BANF2: variants seen among roughly 807,000 people sequenced by gnomAD.
BANF2 encodes barrier-to-autointegration factor-like protein.
BANF2 carries 4 observed loss-of-function variants against 8.0 expected under a neutral mutation model. The observed-to-expected ratio is 0.50, with a 90% CI of 0.25 to 1.14. BANF2 has a LOEUF of 1.14. BANF2 is among the 50% of genes most tolerant of loss of function. BANF2 has a pLI of 0.16. For synonymous variants in BANF2, 50 were observed against 40.6 expected (o/e 1.23, Z -0.88); for missense variants, 96 against 107.5 (o/e 0.89, Z 0.47).
At chr20:17,716,478 T>C (rs961597189) in intron 1 of BANF2, among the ~76,000 whole-genome samples, 1 of 151,760 alleles carries the variant, frequency 6.6e-6, no homozygotes, top group Non-Finnish European at 1.5e-5. Flanking sequence ...GGACCACAGG[T>C]GTGTGCCACC....
chr20:17,694,601 C>CTCTCTTT (rs2037328802), intron 1 of BANF2, among the ~76,000 whole-genome samples: 1 of 26,738 alleles, frequency 3.7e-5, no homozygotes, highest in African/African-American at 1.2e-4. Flanking sequence ...TTTTCTCTCT[C>CTCTCTTT]TTTTTTTTTT....
intron 1 of BANF2, among the ~76,000 whole-genome samples, chr20:17,721,369 T>A (rs1261798328): frequency 2.3e-5 from 3 of 129,464 alleles, no homozygotes; most frequent in Non-Finnish European, 4.8e-5. Context: ...ATTTGGAAAT[T>A]TTTTTTCTTT....
intron 1 of BANF2, among the ~76,000 whole-genome samples, chr20:17,713,790 A>C (rs182263109): frequency 7.2e-4 from 110 of 152,244 alleles, no homozygotes; most frequent in African/African-American, 2.4e-3. Context: ...AGCTATAATC[A>C]GGCCACTGCA....
intron 1 of BANF2, among the ~76,000 whole-genome samples, chr20:17,717,974 C>T (rs1039877857): frequency 6.6e-6 from 1 of 152,052 alleles, no homozygotes; most frequent in African/African-American, 2.4e-5. Flanking sequence ...AATATATAAA[C>T]TTTTAGGGAT....
At chr20:17,724,125 A>T (rs1169019050) in intron 2 of BANF2, among the ~76,000 whole-genome samples, 1 of 152,224 alleles carries the variant, frequency 6.6e-6, no homozygotes, top group East Asian at 1.9e-4. Flanking sequence ...AATATTCAGG[A>T]TGTTAGCTAC....
rs1266866018 is a variant in BANF2, at chr20:17,716,653, C to G, written c.-166-6063C>G. 2.6e-5 allele frequency among the ~76,000 whole-genome samples: 4 copies of G among 151,288 alleles called. No homozygotes were observed. In the South Asian group the frequency reaches 6.3e-4, roughly 24 times the overall value. On this transcript the variant is annotated intron_variant, in intron 1 of 3. Coordinates refer to ENST00000246090, the MANE Select transcript of BANF2 (RefSeq NM_178477.5). ...CCGAGGAGGGTGGATCACTTGACCT[C>G]AGGAGGTCAAGGCCAGCCTGGGCAA...
intron 1 of BANF2, among the ~76,000 whole-genome samples, chr20:17,707,382 C>CAAAGAAAAAAAA (rs2037498113): frequency 7.0e-6 from 1 of 142,352 alleles, no homozygotes. Context: ...GACTCTGTGT[C>CAAAGAAAAAAAA]AAAAAAAAGA....
chr20:17,720,515 AT>A (rs1391904019), intron 1 of BANF2, among the ~76,000 whole-genome samples: 1 of 152,122 alleles, frequency 6.6e-6, no homozygotes, highest in African/African-American at 2.4e-5. Flanking sequence ...TCCACTTAAA[AT>A]TTTTTTCTTT....
chr20:17,732,018 A>T (rs1452220694), intron 3 of BANF2, among the ~76,000 whole-genome samples: 1 of 151,954 alleles, frequency 6.6e-6, no homozygotes, highest in Admixed American at 6.5e-5. Context: ...GTGAGCCAAG[A>T]CCGTGCCACT....
intron 1 of BANF2, among the ~76,000 whole-genome samples, chr20:17,710,609 C>G (rs1282262185): frequency 6.6e-6 from 1 of 152,158 alleles, no homozygotes; most frequent in African/African-American, 2.4e-5. Context: ...AGGCTGGCAC[C>G]AGACCTTCTT....
intron 1 of BANF2, among the ~76,000 whole-genome samples, chr20:17,700,990 G>C (rs890567339): frequency 1.3e-5 from 2 of 152,176 alleles, no homozygotes; most frequent in African/African-American, 4.8e-5. Flanking sequence ...TTTTAAGAAG[G>C]CTCCTGGCTC....
intron 1 of BANF2, among the ~76,000 whole-genome samples, chr20:17,714,622 T>C (rs2037625242): frequency 6.6e-6 from 1 of 152,192 alleles, no homozygotes. Flanking sequence ...TTAGCACACA[T>C]CCATGAAACC....
chr20:17,722,998 A>G (rs1600224728), intron 2 of BANF2, 120 bp downstream of exon 2: 1 of 682,338 alleles, frequency 1.5e-6, no homozygotes, highest in Non-Finnish European at 1.8e-6. Context: ...CTGGTGTTGG[A>G]TTGGGGAGCA....
chr20:17,701,769 G>A (rs887333845), intron 1 of BANF2, among the ~76,000 whole-genome samples: 1 of 152,198 alleles, frequency 6.6e-6, no homozygotes, highest in Non-Finnish European at 1.5e-5. Flanking sequence ...CCCCAGGTAG[G>A]AAAGAGGAAC....
intron 1 of BANF2, among the ~76,000 whole-genome samples, chr20:17,720,726 T>TCCCATTGG (rs1200756126): frequency 1.3e-5 from 2 of 152,340 alleles, no homozygotes; most frequent in East Asian, 3.9e-4. Context: ...AGGAGATTGG[T>TCCCATTGG]TGCACAACAA....
intron 3 of BANF2, among the ~76,000 whole-genome samples, chr20:17,729,291 G>A (rs781583221): frequency 1.3e-5 from 2 of 152,160 alleles, no homozygotes; most frequent in South Asian, 4.1e-4. Context: ...CCAACTTGGA[G>A]CCTCTCTTGA....
chr20:17,730,566 C>T (rs968336661), intron 3 of BANF2, among the ~76,000 whole-genome samples: 1 of 152,210 alleles, frequency 6.6e-6, no homozygotes, highest in Non-Finnish European at 1.5e-5. Flanking sequence ...CTCTCGCATG[C>T]CGGCAGCCAA....
chr20:17,711,679 A>T (rs536440474), intron 1 of BANF2, among the ~76,000 whole-genome samples: 15 of 152,148 alleles, frequency 9.9e-5, no homozygotes, highest in Non-Finnish European at 1.9e-4. Context: ...GCAAGCCATT[A>T]GTTGCTCTTA....
At chr20:17,699,351 A>G (rs953192813), upstream of BANF2, among the ~76,000 whole-genome samples, 1 of 152,236 alleles carries the variant, frequency 6.6e-6, no homozygotes, top group Non-Finnish European at 1.5e-5. Flanking sequence ...TCAATTACCA[A>G]CAATGGAAAG....
Sources: allele counts gnomAD v4.1 joint callset (sites outside exome capture counted in the v4.1 genomes callset), GRCh38; gene constraint gnomAD v4.1.1; transcripts MANE v1.5; gene names NCBI Gene and HGNC (gene_info 2026-07-23, HGNC 2026-07-21).